The following PPEF1 variants were observed in gnomAD, a reference collection of about 807,000 sequenced individuals.
PPEF1 encodes serine/threonine-protein phosphatase with EF-hands 1.
PPEF1 carries 12 observed loss-of-function variants against 53.3 expected under a neutral mutation model. That is an observed-to-expected ratio of 0.23 (90% CI 0.14 to 0.36). The LOEUF is 0.36. Among genes scored for constraint, PPEF1 ranks in the 10% least tolerant of loss-of-function variants. PPEF1 has a pLI of 1.00. For missense variants in PPEF1, 334 were observed against 490.4 expected, an observed-to-expected ratio of 0.68 and a Z score of 3.01; for synonymous variants, 165 against 176.7, an observed-to-expected ratio of 0.93 and a Z score of 0.52.
At chrX:18,744,301 T>G (rs1187490989) in intron 3 of PPEF1, among the ~76,000 whole-genome samples, 1 of 112,017 alleles carries the variant, frequency 8.9e-6, no homozygotes, top group African/African-American at 3.2e-5. Context: ...ACACGTTGGG[T>G]ACTCTGAAGA....
chrX:18,826,770 TA>T (rs1351239986), intron 15 of PPEF1, among the ~76,000 whole-genome samples: 1 of 109,063 alleles, frequency 9.2e-6, no homozygotes, highest in East Asian at 2.9e-4. Flanking sequence ...TTCAAATTTT[TA>T]AAAACTCATC....
intron 1 of PPEF1, among the ~76,000 whole-genome samples, chrX:18,715,546 A>G (rs1467681029): frequency 8.9e-6 from 1 of 111,738 alleles, no homozygotes; most frequent in East Asian, 2.8e-4. Flanking sequence ...AAAAAAAAGT[A>G]ACATCAATTT....
chrX:18,800,423 G>A (rs985965787), intron 10 of PPEF1, among the ~76,000 whole-genome samples: 4 of 110,571 alleles, frequency 3.6e-5, no homozygotes, highest in Non-Finnish European at 7.6e-5. Flanking sequence ...CCGTATGCAC[G>A]GGTTCTGCAT....
At chrX:18,802,092 G>A (rs996149133) in intron 10 of PPEF1, among the ~76,000 whole-genome samples, 1 of 111,212 alleles carries the variant, frequency 9.0e-6, no homozygotes, top group Non-Finnish European at 1.9e-5. Context: ...TTGAGATGGT[G>A]TCTTGCTCTG....
At chrX:18,747,245 T>G (rs192327872) in intron 3 of PPEF1, among the ~76,000 whole-genome samples, 15 of 110,951 alleles carry the variant, frequency 1.4e-4, no homozygotes, top group Admixed American at 1.3e-3. Flanking sequence ...TAACTATGTT[T>G]AATTGTGTTA....
At chrX:18,785,508 ACTGATGATGATGCTTC>A (rs1329223923) in intron 9 of PPEF1, among the ~76,000 whole-genome samples, 1 of 110,054 alleles carries the variant, frequency 9.1e-6, no homozygotes, top group African/African-American at 3.3e-5. Flanking sequence ...CACCTCACCA[ACTGATGATGATGCTTC>A]CTGGCTTACA....
At chrX:18,773,593 C>T (rs746274051) in intron 6 of PPEF1, among the ~76,000 whole-genome samples, 19 of 111,420 alleles carry the variant, frequency 1.7e-4, no homozygotes, top group Non-Finnish European at 3.2e-4. Context: ...TTTGTTTCAC[C>T]CTTTTCCTTT....
At chrX:18,693,173 C>T (rs1661805198) in intron 4 of PPEF1, among the ~76,000 whole-genome samples, 1 of 112,313 alleles carries the variant, frequency 8.9e-6, no homozygotes, top group African/African-American at 3.2e-5. Flanking sequence ...AAACTCGCTA[C>T]AGTGTCTCAT....
At chrX:18,730,023 A>T (rs1218112932) in intron 1 of PPEF1, 158 bp from the exon 2 acceptor site, 1 of 502,656 alleles carries the variant, frequency 2.0e-6, no homozygotes, top group Admixed American at 5.2e-5. Context: ...GACATTTTAT[A>T]AAAAACATAA....
chrX:18,683,892 C>A (rs1928968690), intron 1 of PPEF1, among the ~76,000 whole-genome samples: 1 of 111,957 alleles, frequency 8.9e-6, no homozygotes, highest in Non-Finnish European at 1.9e-5. Flanking sequence ...TGCCTGGGTC[C>A]CAGCCCCAGA....
Position 18,803,768 on chromosome X carries a change from T to C in PPEF1, c.1066-124T>C, listed in dbSNP as rs771695262. The stretch of plus-strand genomic sequence containing the variant: ...CACCACGCCAGGCCTGAAACAATTT[T>C]CAAGGAAGAATGAGAAGTGGTCTTT... On this transcript the variant is annotated intron_variant, in intron 10 of 15. Coordinates refer to ENST00000470157, the MANE Select transcript of PPEF1 (RefSeq NM_001377996.1). The C allele has an allele frequency of 1.4e-4, 101 of 701,620 alleles. No individual in the cohort carries two copies. The African/African-American group carries it at 1.8e-3, about 12-fold the overall frequency. The allele number at this position is 701,620 out of a possible 1,213,427, so 57.8% of individuals were successfully genotyped here.
At chrX:18,741,700 A>G (rs1277703977) in intron 3 of PPEF1, among the ~76,000 whole-genome samples, 1 of 107,474 alleles carries the variant, frequency 9.3e-6, no homozygotes, top group African/African-American at 3.4e-5. Context: ...TCTACACCCT[A>G]GATTAGTCTT....
intron 1 of PPEF1, among the ~76,000 whole-genome samples, chrX:18,721,797 G>A (rs1265805477): frequency 1.8e-5 from 2 of 112,169 alleles, no homozygotes; most frequent in Admixed American, 1.9e-4. Context: ...TCACTGGAAG[G>A]CCAGAGGTTC....
intron 9 of PPEF1, 90 bp downstream of exon 9, chrX:18,784,138 T>C: frequency 1.2e-6 from 1 of 854,256 alleles, no homozygotes; most frequent in Non-Finnish European, 1.6e-6. Flanking sequence ...GATTTGTGTT[T>C]TAGTGGTTGT....
At position 18,749,947 on chromosome X, in the gene PPEF1, C is replaced by A; in HGVS notation, c.391C>A (p.Gln131Lys). The A allele has an allele frequency of 8.3e-7, 1 of 1,200,834 alleles. No individual in the cohort carries two copies. The highest frequency in any genetic ancestry group is 1.8e-5 in the South Asian group (1 of 56,545). ...IDLLLEAFKE[Q>K]QILHAHYVLE... is the part of the protein sequence containing the mutation. ...TTTACTTCTTGAGGCCTTCAAGGAA[C>A]AACAGGTAAGTGGAAGCAGATGCTG... The change falls in exon 4 of 16, where the codon CAA becomes AAA. Residue 131 changes from glutamine to lysine, a missense_variant. Coordinates refer to ENST00000470157, the MANE Select transcript of PPEF1 (RefSeq NM_001377996.1).
chrX:18,823,654 G>A (rs2047110126), intron 13 of PPEF1, among the ~76,000 whole-genome samples: 2 of 108,628 alleles, frequency 1.8e-5, no homozygotes, highest in South Asian at 4.0e-4. Flanking sequence ...AAATAAATAA[G>A]TAAGCATACC....
At chrX:18,808,813 TGGA>T (rs2046738454) in intron 12 of PPEF1, among the ~76,000 whole-genome samples, 1 of 111,280 alleles carries the variant, frequency 9.0e-6, no homozygotes, top group Non-Finnish European at 1.9e-5. Flanking sequence ...GATAGGAATA[TGGA>T]TTAGTACAGC....
intron 4 of PPEF1, among the ~76,000 whole-genome samples, chrX:18,755,111 G>C (rs1017699673): frequency 9.0e-6 from 1 of 110,922 alleles, no homozygotes; most frequent in African/African-American, 3.3e-5. Context: ...TAATAGAGAA[G>C]ATTGATAATT....
intron 4 of PPEF1, among the ~76,000 whole-genome samples, chrX:18,750,395 T>G (rs1322222866): frequency 8.9e-6 from 1 of 112,344 alleles, no homozygotes; most frequent in Non-Finnish European, 1.9e-5. Flanking sequence ...ATATTTCATG[T>G]AAATGAAATC....
Sources: allele counts gnomAD v4.1 joint callset (sites outside exome capture counted in the v4.1 genomes callset), GRCh38; gene constraint gnomAD v4.1.1; transcripts MANE v1.5; gene names NCBI Gene and HGNC (gene_info 2026-07-23, HGNC 2026-07-21).